The following RPS6KA1 variants were observed in gnomAD, a reference collection of about 807,000 sequenced individuals.
The protein encoded by RPS6KA1 is ribosomal protein S6 kinase alpha-1.
A neutral mutation model predicts 91.3 loss-of-function variants in RPS6KA1; 48 were observed. That is an observed-to-expected ratio of 0.53 (90% CI 0.42 to 0.67). The LOEUF (loss-of-function observed/expected upper bound fraction) is 0.67, where lower values mean the gene tolerates loss of function less well. Among genes scored for constraint, RPS6KA1 ranks in the 30% least tolerant of loss-of-function variants. The pLI, the probability that RPS6KA1 is intolerant of heterozygous loss-of-function variation, is 0.00. For missense variants in RPS6KA1, 719 were observed against 960.5 expected (o/e 0.75, Z 3.32); for synonymous variants, 359 against 384.7 (o/e 0.93, Z 0.78).
chr1:26,568,938 G>A (rs142795166), intron 17 of RPS6KA1, among the ~76,000 whole-genome samples: 4,468 of 152,150 alleles, frequency 0.029, 198 homozygotes, highest in African/African-American at 0.1. Context: ...GCTCACACCT[G>A]TAATCCCAGC....
chr1:26,555,277 T>C lies in RPS6KA1; in HGVS notation c.827+56T>C. 6.5e-7 allele frequency: 1 copy of C among 1,547,580 alleles called. No homozygotes were observed. The highest frequency in any genetic ancestry group is 8.9e-7 in the Non-Finnish European group (1 of 1,121,332). ...GACTCCTCCAAGCCCCAGCCCCAGT[T>C]TGGGGGTCAGAATATTATTACCCTG... On this transcript the variant is annotated intron_variant, in intron 10 of 21. Coordinates refer to ENST00000374168, the MANE Select transcript of RPS6KA1 (RefSeq NM_002953.4). This position sits in a 1 kb window ranked among gnomAD's most constrained non-coding sequence, Gnocchi z 4.3.
In RPS6KA1 at chr1:26,529,926, G is replaced by A; in HGVS notation, c.6G>A (p.Pro2=). M[P]LAQLKEPWPL... ...GGTGACCTGGCGGCGGCGAGATGCC[G>A]CTCGCCCAGCTCAAGGAGCCCTGGC... The change falls in exon 1 of 22, where the codon CCG becomes CCA. Residue 2 remains proline, a synonymous_variant. Coordinates refer to ENST00000374168, the MANE Select transcript of RPS6KA1 (RefSeq NM_002953.4). The surrounding 1 kb of genome is among the most constrained non-coding windows in gnomAD (Gnocchi z 4.2). 1 of 1,430,318 alleles carries A rather than the reference G, an allele frequency of 7.0e-7. No homozygotes were observed. Among genetic ancestry groups the A allele is most frequent in the Non-Finnish European group, 9.2e-7 (1 of 1,092,408 alleles). The allele number at this position is 1,430,318 out of a possible 1,614,324, so 88.6% of individuals were successfully genotyped here.
intron 20 of RPS6KA1, among the ~76,000 whole-genome samples, chr1:26,572,953 C>T (rs190737): frequency 6.6e-6 from 1 of 152,010 alleles, no homozygotes; most frequent in African/African-American, 2.4e-5. Context: ...GAGCCCAAAC[C>T]TGAGGCTTTT....
chr1:26,573,391 T>TG, intron 21 of RPS6KA1, 30 bp downstream of exon 21: 10 of 1,613,466 alleles, frequency 6.2e-6, no homozygotes, highest in Non-Finnish European at 8.5e-6. Flanking sequence ...GCTGGGCATC[T>TG]GGGGGGTCAG....
At position 26,571,414 on chromosome 1, in the gene RPS6KA1, C is replaced by T. The variant is rs1295695778; in HGVS notation, c.1591-35C>T. 2.5e-6 allele frequency: 4 copies of T among 1,610,116 alleles called. No individual in the cohort carries two copies. Among genetic ancestry groups the T allele is most frequent in the East Asian group, 2.2e-5 (1 of 44,848 alleles). On this transcript the variant is annotated intron_variant, in intron 17 of 21. Coordinates refer to ENST00000374168, the MANE Select transcript of RPS6KA1 (RefSeq NM_002953.4). This position sits in a 1 kb window ranked among gnomAD's most constrained non-coding sequence, Gnocchi z 5.1. ...TGACCTGGGCCACTAGCCACCTCCC[C>T]ACACTGAGAACTGACCCCAGCCCCC...
intron 2 of RPS6KA1, among the ~76,000 whole-genome samples, chr1:26,537,495 C>T (rs1487188153): frequency 6.6e-6 from 1 of 152,226 alleles, no homozygotes; most frequent in East Asian, 1.9e-4. Context: ...CCCCTGCTAT[C>T]TCTGCTTCCC....
chr1:26,543,629 C>T (rs577121604), intron 2 of RPS6KA1, among the ~76,000 whole-genome samples: 7 of 152,160 alleles, frequency 4.6e-5, no homozygotes, highest in Non-Finnish European at 5.9e-5. Flanking sequence ...AGGTCACAGA[C>T]GGACCCTAGT....
intron 6 of RPS6KA1, chr1:26,552,818 G>A: frequency 2.4e-6 from 1 of 418,542 alleles, no homozygotes; most frequent in Non-Finnish European, 4.8e-6. Context: ...GTTTGAATAG[G>A]TAATATACAT....
intron 14 of RPS6KA1, among the ~76,000 whole-genome samples, chr1:26,560,202 C>T (rs1239095496): frequency 6.6e-6 from 1 of 152,256 alleles, no homozygotes; most frequent in East Asian, 1.9e-4. Context: ...GGCCGTGGGG[C>T]ATGCAGTCAC....
intron 2 of RPS6KA1, chr1:26,543,135 C>G (rs2075961655): frequency 6.5e-7 from 1 of 1,535,248 alleles, no homozygotes; most frequent in African/African-American, 1.4e-5. Flanking sequence ...GTAACGGGGC[C>G]CTCTGGTCAC....
Position 26,553,426 on chromosome 1 carries a change from G to T in RPS6KA1, c.504G>T (p.Leu168=), listed in dbSNP as rs762827541. The T allele has an allele frequency of 2.5e-6, 4 of 1,613,132 alleles. No individual in the cohort carries two copies. The African/African-American group carries it at 4.0e-5, about 16-fold the overall frequency. Residue 168 remains leucine, a synonymous_variant, in exon 7 of 22, where the codon CTG becomes CTT. Transcript: ENST00000374168. ...MFTEEDVKFY[L]AELALGLDHL... ...CGGAGGAGGATGTGAAGTTTTACCT[G>T]GCTGAGCTGGCTCTGGGCCTGGATC...
chr1:26,562,747 T>C (rs2076163851), intron 17 of RPS6KA1, among the ~76,000 whole-genome samples: 1 of 151,606 alleles, frequency 6.6e-6, no homozygotes, highest in Non-Finnish European at 1.5e-5. Flanking sequence ...CCTGGCTGAG[T>C]CCAGGTCTTG....
Position 26,554,475 on chromosome 1 carries a change from C to T in RPS6KA1, c.614-121C>T. 1 of 1,348,994 alleles carries T rather than the reference C, an allele frequency of 7.4e-7. No homozygotes were observed. The highest frequency in any genetic ancestry group is 1.0e-6 in the Non-Finnish European group (1 of 976,058). The allele number at this position is 1,348,994 out of a possible 1,614,324, so 83.6% of individuals were successfully genotyped here. A position where few individuals can be genotyped will look rare whatever the true frequency, so the allele number is the denominator to read the frequency against. On this transcript the variant is annotated intron_variant, in intron 8 of 21. Coordinates refer to ENST00000374168, the MANE Select transcript of RPS6KA1 (RefSeq NM_002953.4). This position sits in a 1 kb window ranked among gnomAD's most constrained non-coding sequence, Gnocchi z 4.6. ...ACCTGACCTCTCTGGGCCTTAGCTT[C>T]CTCCTGAGTGTCATGGGGGTGATGC...
Position 26,561,575 on chromosome 1 carries a change from T to C in RPS6KA1, c.1502T>C (p.Ile501Thr). The C allele has an allele frequency of 6.2e-7, 1 of 1,614,112 alleles. No homozygotes were observed. Among genetic ancestry groups the C allele is most frequent in the Non-Finnish European group, 8.5e-7 (1 of 1,180,006 alleles). Residue 501 changes from isoleucine to threonine, a missense_variant, in exon 17 of 22, where the codon ATC becomes ACC. Physicochemically the swap from Ile to Thr is moderately conservative, Grantham distance 89 (BLOSUM62 -1). Around this residue, in one of 5 missense-constraint regions of RPS6KA1, gnomAD observed 249 missense variants for 323.1 expected, o/e 0.77. Transcript: ENST00000374168. The surrounding 1 kb of genome is among the most constrained non-coding windows in gnomAD (Gnocchi z 5.7). ...LMRGGELLDK[I>T]LRQKFFSERE... is the part of the protein sequence containing the mutation. ...CGGGGTGGGGAGCTGCTGGACAAGA[T>C]CCTGCGGCAGAAGTTCTTCTCAGAG... is the stretch of plus-strand genomic sequence containing the variant.
At chr1:26,535,170 C>T (rs893573657) in intron 1 of RPS6KA1, among the ~76,000 whole-genome samples, 5 of 152,082 alleles carry the variant, frequency 3.3e-5, no homozygotes, top group African/African-American at 1.2e-4. Context: ...ATCCCTTCTC[C>T]CCAGGCTGCT....
Position 26,574,321 on chromosome 1 carries a change from C to G in RPS6KA1, c.*120C>G. 3 of 1,288,950 alleles carry G rather than the reference C, an allele frequency of 2.3e-6. No individual in the cohort carries two copies. The highest frequency in any genetic ancestry group is 3.4e-6 in the Non-Finnish European group (3 of 885,772). 79.8% of individuals were successfully genotyped at this position (1,288,950 alleles called of 1,614,324 possible). A position where few individuals can be genotyped will look rare whatever the true frequency, so the allele number is the denominator to read the frequency against. On this transcript the variant is annotated 3_prime_UTR_variant, in exon 22 of 22. Coordinates refer to ENST00000374168, the MANE Select transcript of RPS6KA1 (RefSeq NM_002953.4). This position sits in a 1 kb window ranked among gnomAD's most constrained non-coding sequence, Gnocchi z 4.3. ...GCTGGAACCCGAGGGGCCGGGGAAGCTGCCAGCCCAGAACACCCCTAATGA... is the reference window on the plus strand; with the variant it reads ...GCTGGAACCCGAGGGGCCGGGGAAGGTGCCAGCCCAGAACACCCCTAATGA...
In RPS6KA1 at chr1:26,555,186, G is replaced by A. The variant is rs369496197; in HGVS notation, c.792G>A (p.Gly264=). Residue 264 remains glycine, a synonymous_variant, in exon 10 of 22, where the codon GGG becomes GGA. Transcript: ENST00000374168. The surrounding 1 kb of genome is among the most constrained non-coding windows in gnomAD (Gnocchi z 4.3). ...TGACGGGCTCCCTGCCCTTCCAGGG[G>A]AAGGACCGGAAGGAGACCATGACAC... ...EMLTGSLPFQ[G]KDRKETMTLI... 6.8e-6 allele frequency: 11 copies of A among 1,614,026 alleles called. No homozygotes were observed. The African/African-American group carries it at 1.3e-4, about 20-fold the overall frequency.
At position 26,551,841 on chromosome 1, in the gene RPS6KA1, G is replaced by T. The variant is rs2076053589; in HGVS notation, c.468+118G>T. 3.5e-6 allele frequency: 3 copies of T among 857,144 alleles called. No homozygotes were observed. In the Admixed American group the frequency reaches 6.2e-5, roughly 18 times the overall value. 53.1% of individuals were successfully genotyped at this position (857,144 alleles called of 1,614,324 possible). ...ATGGCTTGAACCTGGAACCACCCAG[G>T]CCTGCCTAGCAGCCCCTGGCCCAGG... On this transcript the variant is annotated intron_variant, in intron 6 of 21. Coordinates refer to ENST00000374168, the MANE Select transcript of RPS6KA1 (RefSeq NM_002953.4). This position sits in a 1 kb window ranked among gnomAD's most constrained non-coding sequence, Gnocchi z 4.5.
At chr1:26,572,699 C>T (rs2076260188) in intron 20 of RPS6KA1, among the ~76,000 whole-genome samples, 2 of 152,182 alleles carry the variant, frequency 1.3e-5, no homozygotes, top group African/African-American at 4.8e-5. Flanking sequence ...CCAAGCAGAG[C>T]CTCCTCGGAG....
Sources: gnomAD v4.1 joint callset for allele counts (sites outside exome capture counted in the v4.1 genomes callset) on GRCh38, gnomAD v4.1.1 for gene constraint, gnomAD v4.1.1 regional missense constraint, Gnocchi (gnomAD v3.1) non-coding constraint, MANE v1.5 for transcripts, NCBI Gene and HGNC (gene_info 2026-07-23, HGNC 2026-07-21) for gene names.